Variants in SEMA6D observed in about 807,000 individuals in gnomAD.
SEMA6D encodes semaphorin-6D.
Under a neutral mutation model 106.6 loss-of-function variants are expected in SEMA6D, and 35 were observed. The observed-to-expected ratio is 0.33, with a 90% CI of 0.25 to 0.44. SEMA6D has a LOEUF of 0.44. Among genes scored for constraint, SEMA6D ranks in the 20% least tolerant of loss-of-function variants. The probability of loss-of-function intolerance (pLI) is 1.00; values close to 1 mark genes in which losing one functional copy is unlikely to be tolerated. For missense variants in SEMA6D, 1,185 were observed against 1,345.9 expected (o/e 0.88, Z 1.87); for synonymous variants, 499 against 487.7 (o/e 1.02, Z -0.31).
intron 1 of SEMA6D, among the ~76,000 whole-genome samples, chr15:47,262,494 T>C (rs1218752831): frequency 6.6e-6 from 1 of 151,974 alleles, no homozygotes; most frequent in Non-Finnish European, 1.5e-5. Context: ...AAGCCTCTTA[T>C]AAAACCATCA....
At chr15:47,212,840 C>T (rs1477248049) in intron 1 of SEMA6D, among the ~76,000 whole-genome samples, 2 of 152,104 alleles carry the variant, frequency 1.3e-5, no homozygotes, top group Non-Finnish European at 2.9e-5. Context: ...TTTCCTGCCT[C>T]TGCTGTTAGA....
intron 1 of SEMA6D, among the ~76,000 whole-genome samples, chr15:47,729,093 T>G (rs1227225248): frequency 6.6e-6 from 1 of 152,180 alleles, no homozygotes; most frequent in African/African-American, 2.4e-5. Context: ...AGAGTCAGAA[T>G]TCACACCCAA....
In SEMA6D at chr15:47,580,740, A is replaced by T. The variant is rs149554989; in HGVS notation, c.-86-20125A>T. 1.2e-3 allele frequency among the ~76,000 whole-genome samples: 187 copies of T among 152,350 alleles called. 1 individual carries two copies. Among genetic ancestry groups the T allele is most frequent in the African/African-American group, 4.4e-3 (181 of 41,592 alleles). On this transcript the variant is annotated intron_variant, in intron 3 of 19. Coordinates refer to the SEMA6D transcript ENST00000558014. ...ACAGAATTTCCCTGATCTTATGGAGATTAAATTCAAGTGAGTGGAGCAAAC... is the reference window on the plus strand; with the variant it reads ...ACAGAATTTCCCTGATCTTATGGAGTTTAAATTCAAGTGAGTGGAGCAAAC...
intron 1 of SEMA6D, among the ~76,000 whole-genome samples, chr15:47,335,376 A>G (rs1196434402): frequency 6.6e-6 from 1 of 152,132 alleles, no homozygotes; most frequent in Non-Finnish European, 1.5e-5. Flanking sequence ...TTTGTTCCCA[A>G]GGAAGCAGCC....
At chr15:47,499,608 G>T (rs556202894) in intron 3 of SEMA6D, among the ~76,000 whole-genome samples, 1 of 152,188 alleles carries the variant, frequency 6.6e-6, no homozygotes, top group East Asian at 1.9e-4. Flanking sequence ...AATACTTTCA[G>T]TTGTGTGATT....
chr15:47,315,336 G>A (rs540828324), intron 1 of SEMA6D, among the ~76,000 whole-genome samples: 11 of 152,160 alleles, frequency 7.2e-5, no homozygotes, highest in Non-Finnish European at 1.3e-4. Context: ...TTTCAGCACC[G>A]TTTGTTGAAC....
intron 4 of SEMA6D, among the ~76,000 whole-genome samples, chr15:47,641,874 G>A (rs1233231243): frequency 6.6e-6 from 1 of 152,074 alleles, no homozygotes; most frequent in East Asian, 1.9e-4. Flanking sequence ...ATAATCCCCA[G>A]TCTGGCATTG....
chr15:47,474,641 C>T lies in SEMA6D; in HGVS notation c.-87+4096C>T, dbSNP rs79827797. 5.7e-3 allele frequency among the ~76,000 whole-genome samples: 861 copies of T among 152,286 alleles called. 7 individuals carry two copies. The highest frequency in any genetic ancestry group is 0.02 in the African/African-American group (821 of 41,548). Reference sequence around the variant, plus strand: ...ACTTATTAAAGCCATTTAACACCTACGCAAGTTGCTACATGCAAAGAGGCA... The same window carrying T: ...ACTTATTAAAGCCATTTAACACCTATGCAAGTTGCTACATGCAAAGAGGCA... On this transcript the variant is annotated intron_variant, in intron 3 of 19. Coordinates refer to the SEMA6D transcript ENST00000558014.
chr15:47,303,234 A>C (rs954481491), intron 1 of SEMA6D, among the ~76,000 whole-genome samples: 15 of 152,062 alleles, frequency 9.9e-5, no homozygotes, highest in African/African-American at 2.2e-4. Context: ...ACTTGTGGAA[A>C]TATTGAAAGC....
chr15:47,226,101 A>T (rs1435699453), intron 1 of SEMA6D, among the ~76,000 whole-genome samples: 1 of 152,080 alleles, frequency 6.6e-6, no homozygotes, highest in African/African-American at 2.4e-5. Context: ...ACATCTTTAT[A>T]AAAGAAGACA....
At chr15:47,641,127 G>A (rs1249312529) in intron 4 of SEMA6D, among the ~76,000 whole-genome samples, 2 of 152,198 alleles carry the variant, frequency 1.3e-5, no homozygotes, top group Admixed American at 1.3e-4. Flanking sequence ...GAGGGCTGCC[G>A]CAGTATCCAT....
intron 3 of SEMA6D, among the ~76,000 whole-genome samples, chr15:47,543,023 G>T (rs1472378894): frequency 1.3e-5 from 2 of 152,166 alleles, no homozygotes; most frequent in Non-Finnish European, 2.9e-5. Context: ...ATAGGTATCT[G>T]TTTAGACCTT....
chr15:47,546,396 G>C (rs978752861), intron 3 of SEMA6D, among the ~76,000 whole-genome samples: 3 of 152,044 alleles, frequency 2.0e-5, no homozygotes, highest in African/African-American at 7.2e-5. Flanking sequence ...TTCATAAATT[G>C]AGTTTCTTTT....
chr15:47,553,131 C>A (rs889342124), intron 3 of SEMA6D, among the ~76,000 whole-genome samples: 2 of 150,870 alleles, frequency 1.3e-5, no homozygotes, highest in African/African-American at 4.9e-5. Flanking sequence ...CTCAAACTCC[C>A]AACTTCAGGC....
At chr15:47,384,103 C>T (rs1242250225) in intron 1 of SEMA6D, among the ~76,000 whole-genome samples, 1 of 152,146 alleles carries the variant, frequency 6.6e-6, no homozygotes, top group Non-Finnish European at 1.5e-5. Flanking sequence ...ACCAAAGTAG[C>T]AGGGTTTAAG....
intron 2 of SEMA6D, among the ~76,000 whole-genome samples, chr15:47,469,289 G>A (rs73388911): frequency 0.11 from 16,589 of 149,012 alleles, 2,663 homozygotes; most frequent in African/African-American, 0.36. Context: ...CCTGAGGACA[G>A]TTGCTTTAAG....
Position 47,771,831 on chromosome 15 carries a change from T to C in SEMA6D, c.*46T>C, listed in dbSNP as rs2082644331. On this transcript the variant is annotated 3_prime_UTR_variant, in exon 19 of 19. Transcript: ENST00000536845. ...ATGTGGCTTTATCCTGTCCGTGTTGTTGAGAGGATGATGTTGTAAGGGTAC... is the reference window on the plus strand; with the variant it reads ...ATGTGGCTTTATCCTGTCCGTGTTGCTGAGAGGATGATGTTGTAAGGGTAC... 1 of 1,540,022 alleles carries C rather than the reference T, an allele frequency of 6.5e-7. No individual in the cohort carries two copies.
intron 3 of SEMA6D, among the ~76,000 whole-genome samples, chr15:47,517,682 T>C (rs1257547958): frequency 6.6e-6 from 1 of 152,192 alleles, no homozygotes; most frequent in African/African-American, 2.4e-5. Context: ...TATTCTTAGC[T>C]GCTGTATTTC....
chr15:47,324,953 A>G (rs2037067355), intron 1 of SEMA6D, among the ~76,000 whole-genome samples: 2 of 151,256 alleles, frequency 1.3e-5, no homozygotes, highest in Non-Finnish European at 3.0e-5. Flanking sequence ...AATGAGGTTC[A>G]TTAATTTATT....
Sources: allele counts gnomAD v4.1 joint callset (sites outside exome capture counted in the v4.1 genomes callset), GRCh38; gene constraint gnomAD v4.1.1; transcripts MANE v1.5; gene names NCBI Gene and HGNC (gene_info 2026-07-23, HGNC 2026-07-21).